SLIT3: variants seen among roughly 807,000 people sequenced by gnomAD.
SLIT3 encodes the protein slit homolog 3 protein.
A neutral mutation model predicts 184.0 loss-of-function variants in SLIT3; 68 were observed. The observed-to-expected ratio is 0.37, with a 90% CI of 0.30 to 0.45. The LOEUF is 0.45. Among genes scored for constraint, SLIT3 ranks in the 20% least tolerant of loss-of-function variants. The pLI is 1.00. For synonymous variants in SLIT3, 831 were observed against 828.6 expected, an observed-to-expected ratio of 1.00 and a Z score of -0.05; for missense variants, 1,707 against 2,026.0, an observed-to-expected ratio of 0.84 and a Z score of 3.02.
intron 10 of SLIT3, among the ~76,000 whole-genome samples, chr5:168,794,497 C>T (rs755185948): frequency 2.6e-5 from 4 of 152,032 alleles, no homozygotes; most frequent in Admixed American, 1.3e-4. Flanking sequence ...GGGATGAGGG[C>T]GGTGATGCAA....
chr5:169,040,777 A>G (rs1386166238), intron 4 of SLIT3, among the ~76,000 whole-genome samples: 1 of 152,204 alleles, frequency 6.6e-6, no homozygotes, highest in Non-Finnish European at 1.5e-5. Context: ...TTTCGAAAGG[A>G]AAAAAAGGTC....
chr5:168,840,469 G>A (rs1409326764), intron 6 of SLIT3, among the ~76,000 whole-genome samples: 3 of 145,746 alleles, frequency 2.1e-5, no homozygotes, highest in Non-Finnish European at 4.5e-5. Context: ...GACCCATGAT[G>A]GTACGTTAGT....
In SLIT3 at chr5:168,860,651, T is replaced by C. The variant is rs115915909; in HGVS notation, c.486-15996A>G. On this transcript the variant is annotated intron_variant, in intron 5 of 35. Coordinates refer to ENST00000519560, the MANE Select transcript of SLIT3 (RefSeq NM_003062.4). ...TACAGACCAACCAATCCCAAGTCCATATCCTAACCACCAGCTGTATCTAGC... is the reference window on the plus strand; with the variant it reads ...TACAGACCAACCAATCCCAAGTCCACATCCTAACCACCAGCTGTATCTAGC... Among the ~76,000 whole-genome samples, 551 of 152,202 alleles carry C rather than the reference T, an allele frequency of 3.6e-3. 4 individuals are homozygous for C. The highest frequency in any genetic ancestry group is 0.012 in the African/African-American group (494 of 41,536).
At chr5:168,912,690 CTA>C (rs1761289214) in intron 4 of SLIT3, among the ~76,000 whole-genome samples, 1 of 152,170 alleles carries the variant, frequency 6.6e-6, no homozygotes, top group South Asian at 2.1e-4. Context: ...TGAATCTTTA[CTA>C]TGTCTCTATG....
rs150167545 is a variant in SLIT3 at position 168,909,126 on chromosome 5, C to T, written c.414-25790G>A. Among the ~76,000 whole-genome samples, 56 of 152,338 alleles carry T rather than the reference C, an allele frequency of 3.7e-4. 1 individual carries two copies. Among genetic ancestry groups the T allele is most frequent in the African/African-American group, 1.3e-3 (53 of 41,582 alleles). ...GTCCTCCGGTCACACATCTATCATGCCTGCATGCGTATGTGAATAAACAGC... is the reference window on the plus strand; with the variant it reads ...GTCCTCCGGTCACACATCTATCATGTCTGCATGCGTATGTGAATAAACAGC... On this transcript the variant is annotated intron_variant, in intron 4 of 35. Coordinates refer to ENST00000519560, the MANE Select transcript of SLIT3 (RefSeq NM_003062.4).
At chr5:168,667,196 G>A (rs181542155) in intron 35 of SLIT3, among the ~76,000 whole-genome samples, 15 of 152,234 alleles carry the variant, frequency 9.9e-5, no homozygotes, top group Non-Finnish European at 1.9e-4. Context: ...CTTTAGATGG[G>A]GCAGGCAATC....
intron 1 of SLIT3, among the ~76,000 whole-genome samples, chr5:169,252,199 G>A (rs1014736061): frequency 6.6e-6 from 1 of 152,184 alleles, no homozygotes; most frequent in African/African-American, 2.4e-5. Context: ...CTCCCTGAGG[G>A]CAAAGGCCAC....
intron 4 of SLIT3, among the ~76,000 whole-genome samples, chr5:168,967,506 C>T (rs1299748354): frequency 5.8e-5 from 6 of 104,062 alleles, no homozygotes; most frequent in Non-Finnish European, 1.1e-4. Flanking sequence ...GTGGCGGGAT[C>T]TCGGCTCACT....
chr5:168,811,032 A>G (rs1339587336), intron 8 of SLIT3, among the ~76,000 whole-genome samples: 1 of 152,080 alleles, frequency 6.6e-6, no homozygotes, highest in Non-Finnish European at 1.5e-5. Flanking sequence ...CTTCTCCTAA[A>G]TGGTAAAATG....
intron 4 of SLIT3, among the ~76,000 whole-genome samples, chr5:169,102,507 C>G (rs1327138118): frequency 6.6e-6 from 1 of 152,084 alleles, no homozygotes; most frequent in Non-Finnish European, 1.5e-5. Flanking sequence ...CTTATAATAC[C>G]TAATGCAATG....
rs997466067 is a variant in SLIT3, at chr5:169,219,217, C to T, written c.341+25488G>A. Among the ~76,000 whole-genome samples the T allele has an allele frequency of 3.2e-4, 48 of 152,302 alleles. 1 individual carries two copies. The highest frequency in any genetic ancestry group is 2.5e-3 in the Admixed American group (39 of 15,302). The stretch of plus-strand genomic sequence containing the variant: ...AAGACCACAGGAGACGACTGTCCCA[C>T]CTCCAGCACAGACCACAGCCTCTGC... On this transcript the variant is annotated intron_variant, in intron 3 of 35. Coordinates refer to ENST00000519560, the MANE Select transcript of SLIT3 (RefSeq NM_003062.4).
intron 1 of SLIT3, among the ~76,000 whole-genome samples, chr5:169,261,309 G>C (rs550480644): frequency 8.7e-6 from 1 of 115,252 alleles, no homozygotes; most frequent in African/African-American, 3.8e-5. Flanking sequence ...AGAATTTTAG[G>C]TTTAAAAACA....
intron 4 of SLIT3, among the ~76,000 whole-genome samples, chr5:169,054,321 G>C (rs1397972714): frequency 6.6e-6 from 1 of 151,722 alleles, no homozygotes; most frequent in African/African-American, 2.4e-5. Flanking sequence ...CAGAAGCTGG[G>C]AGAGGCAAGG....
chr5:168,704,851 T>C lies in SLIT3; in HGVS notation c.2844+3125A>G, dbSNP rs148254725. Among the ~76,000 whole-genome samples, 15 of 152,250 alleles carry C rather than the reference T, an allele frequency of 9.9e-5. No homozygotes were observed. The East Asian group carries it at 2.7e-3, about 28-fold the overall frequency. ...TTTGTGGGTATCTGGGGATTTCTGT[T>C]AGCCACTCATGCAGAACTACCATCT... On this transcript the variant is annotated intron_variant, in intron 26 of 35. Transcript: ENST00000519560.
chr5:168,756,629 C>A (rs758141642), intron 16 of SLIT3, among the ~76,000 whole-genome samples: 44 of 152,142 alleles, frequency 2.9e-4, no homozygotes, highest in Non-Finnish European at 5.1e-4. Flanking sequence ...ATCCTGGTAG[C>A]CCTGGTCTGG....
At chr5:169,213,996 G>A (rs1230053365) in intron 3 of SLIT3, among the ~76,000 whole-genome samples, 1 of 152,164 alleles carries the variant, frequency 6.6e-6, no homozygotes, top group Middle Eastern at 3.2e-3. Context: ...AGAGACAGCA[G>A]GCATCATCCA....
intron 4 of SLIT3, among the ~76,000 whole-genome samples, chr5:169,089,502 T>A (rs1344039255): frequency 6.6e-6 from 1 of 152,172 alleles, no homozygotes; most frequent in African/African-American, 2.4e-5. Context: ...TACATTCCCT[T>A]CTGCTCCAAG....
intron 3 of SLIT3, among the ~76,000 whole-genome samples, chr5:169,210,816 G>C (rs576414466): frequency 6.6e-6 from 1 of 152,186 alleles, no homozygotes; most frequent in Non-Finnish European, 1.5e-5. Flanking sequence ...CAATTCTTCC[G>C]CACACTAGTA....
intron 4 of SLIT3, among the ~76,000 whole-genome samples, chr5:168,998,501 C>T (rs776662256): frequency 6.6e-6 from 1 of 151,990 alleles, no homozygotes; most frequent in Non-Finnish European, 1.5e-5. Flanking sequence ...GTCAGGAGTT[C>T]GAGACCAGCC....
Sources: allele counts gnomAD v4.1 joint callset (sites outside exome capture counted in the v4.1 genomes callset), GRCh38; gene constraint gnomAD v4.1.1; transcripts MANE v1.5; gene names NCBI Gene and HGNC (gene_info 2026-07-23, HGNC 2026-07-21).